The following KDM2B variants were observed in gnomAD, a reference collection of about 807,000 sequenced individuals.
KDM2B encodes the protein lysine-specific demethylase 2B.
A neutral mutation model predicts 150.0 loss-of-function variants in KDM2B; 26 were observed. The observed-to-expected ratio is 0.17, with a 90% confidence interval of 0.13 to 0.24. The LOEUF is 0.24. Among genes scored for constraint, KDM2B ranks in the 10% least tolerant of loss-of-function variants. KDM2B has a pLI of 1.00. For missense variants in KDM2B, 1,265 were observed against 1,816.9 expected (o/e 0.70, Z 5.52); for synonymous variants, 734 against 729.5 (o/e 1.01, Z -0.10).
intron 8 of KDM2B, among the ~76,000 whole-genome samples, chr12:121,522,361 C>A (rs1384982090): frequency 6.6e-6 from 1 of 150,548 alleles, no homozygotes; most frequent in Non-Finnish European, 1.5e-5. Context: ...ATTAAAAATA[C>A]AAAATTAGCC....
intron 13 of KDM2B, among the ~76,000 whole-genome samples, chr12:121,445,635 G>A (rs991895498): frequency 2.6e-5 from 4 of 152,210 alleles, no homozygotes; most frequent in Admixed American, 6.5e-5. Context: ...ATACAGCAAG[G>A]AACAAGACAG....
chr12:121,463,823 C>T (rs1465256304), intron 12 of KDM2B, among the ~76,000 whole-genome samples: 1 of 152,220 alleles, frequency 6.6e-6, no homozygotes, highest in East Asian at 1.9e-4. Context: ...AAGCCATCCA[C>T]CTGCCTCAGC....
chr12:121,480,726 T>C (rs1882017138), intron 12 of KDM2B, among the ~76,000 whole-genome samples: 1 of 151,704 alleles, frequency 6.6e-6, no homozygotes, highest in Admixed American at 6.6e-5. Context: ...GCCAGTATCA[T>C]GCTACTATAG....
At chr12:121,412,655 A>G in the KDM2B span, among the ~76,000 whole-genome samples, 1 of 151,802 alleles carries the variant, frequency 6.6e-6, no homozygotes, top group Admixed American at 6.6e-5. Context: ...ATGAGATTAC[A>G]GATGTGAGCC....
intron 4 of KDM2B, among the ~76,000 whole-genome samples, chr12:121,558,837 C>T (rs1555313236): frequency 2.0e-5 from 3 of 152,108 alleles, no homozygotes; most frequent in Non-Finnish European, 4.4e-5. Flanking sequence ...GTGATTTGCC[C>T]ACCTCAGCCT....
rs1045997029 is a variant in KDM2B at position 121,454,276 on chromosome 12, A to G, written c.1735-932T>C. ...CAGCCTGGCATGCAGAATGCACTCA[A>G]CAAACCAGAGCCACCCCAGGGAGGA... On this transcript the variant is annotated intron_variant, in intron 12 of 22. Coordinates refer to ENST00000377071, the MANE Select transcript of KDM2B (RefSeq NM_032590.5). Among the ~76,000 whole-genome samples, 5 of 152,342 alleles carry G rather than the reference A, an allele frequency of 3.3e-5. No homozygotes were observed. In the East Asian group the frequency reaches 9.6e-4, roughly 29 times the overall value.
At chr12:121,474,313 A>C (rs992764084) in intron 12 of KDM2B, among the ~76,000 whole-genome samples, 2 of 152,048 alleles carry the variant, frequency 1.3e-5, no homozygotes, top group African/African-American at 4.8e-5. Flanking sequence ...GGAGATCAAA[A>C]CCATCCTGGT....
the KDM2B span, chr12:121,423,520 G>C: frequency 1.2e-6 from 2 of 1,614,214 alleles, no homozygotes; most frequent in Non-Finnish European, 1.7e-6. The surrounding 1 kb of genome is among the most constrained non-coding windows in gnomAD (Gnocchi z 4.3). Flanking sequence ...GCGCATGAGT[G>C]AGTGTCCCAT....
rs199884384 is a variant in KDM2B, at chr12:121,442,779, G to A, written c.2662C>T (p.Arg888Cys). 9 of 1,542,244 alleles carry A rather than the reference G, an allele frequency of 5.8e-6. No individual in the cohort carries two copies. The African/African-American group carries it at 9.7e-5, about 17-fold the overall frequency. ...TCGTCCTCGGGTTCCTGCTTGAAGC[G>A]CCGGAGGGGCTTGTTGGCCAGCGCC... ...RMALANKPLRRFKQEPEDELP... is the reference protein window; with the variant it reads ...RMALANKPLRCFKQEPEDELP... Residue 888 changes from arginine (R) to cysteine (C), a missense_variant, in exon 19 of 23, where the codon CGC becomes TGC. Arg to Cys is a radical substitution (Grantham distance 180, BLOSUM62 -3). Around this residue, in one of 11 missense-constraint regions of KDM2B, gnomAD observed 418 missense variants for 402.4 expected, o/e 1.04. Coordinates refer to ENST00000377071, the MANE Select transcript of KDM2B (RefSeq NM_032590.5). The surrounding 1 kb of genome is among the most constrained non-coding windows in gnomAD (Gnocchi z 7.7).
intron 12 of KDM2B, among the ~76,000 whole-genome samples, chr12:121,456,408 G>T (rs1215497966): frequency 1.3e-5 from 2 of 152,106 alleles, no homozygotes; most frequent in Non-Finnish European, 2.9e-5. Context: ...CCCTCCAAAC[G>T]ACAGGTGCCC....
intron 4 of KDM2B, among the ~76,000 whole-genome samples, chr12:121,557,231 ATTTTT>A (rs142679491): frequency 1.8e-4 from 19 of 103,714 alleles, no homozygotes; most frequent in Admixed American, 7.4e-4. Flanking sequence ...AGACAAGAGA[ATTTTT>A]TTTTTTTTTT....
At chr12:121,540,044 C>T (rs1397055590) in intron 6 of KDM2B, among the ~76,000 whole-genome samples, 6 of 152,132 alleles carry the variant, frequency 3.9e-5, no homozygotes, top group African/African-American at 1.4e-4. Context: ...CTCGCCTAAC[C>T]CTACTACCTT....
chr12:121,422,728 C>CT, the KDM2B span, among the ~76,000 whole-genome samples: 6 of 152,086 alleles, frequency 3.9e-5, no homozygotes, highest in African/African-American at 1.4e-4. Flanking sequence ...CTGGGGTTAA[C>CT]TTTTTTTTAA....
intron 4 of KDM2B, among the ~76,000 whole-genome samples, chr12:121,559,638 T>A (rs112833122): frequency 6.6e-6 from 1 of 152,184 alleles, no homozygotes; most frequent in South Asian, 2.1e-4. Context: ...CAGTGGCTCA[T>A]GCCTGTAATC....
intron 6 of KDM2B, among the ~76,000 whole-genome samples, chr12:121,543,914 G>A (rs1261474064): frequency 6.6e-6 from 1 of 151,952 alleles, no homozygotes; most frequent in East Asian, 1.9e-4. Flanking sequence ...TTGAGTCCAG[G>A]AGGTCAAGAC....
rs782452265 is a variant in KDM2B, at chr12:121,442,459, G to C, written c.2982C>G (p.Pro994=). Residue 994 remains proline, a synonymous_variant, in exon 19 of 23, where the codon CCC becomes CCG. Coordinates refer to ENST00000377071, the MANE Select transcript of KDM2B (RefSeq NM_032590.5). The surrounding 1 kb of genome is among the most constrained non-coding windows in gnomAD (Gnocchi z 7.7). The part of the protein sequence containing the change: ...PKRPPGICER[P]HRFSKGLNGT... The stretch of plus-strand genomic sequence containing the variant: ...CGTTGAGCCCCTTGCTGAAGCGGTG[G>C]GGACGCTCGCAGATGCCCGGGGGCC... 3.8e-6 allele frequency: 6 copies of C among 1,599,806 alleles called. No homozygotes were observed. In the East Asian group the frequency reaches 1.1e-4, roughly 30 times the overall value.
Position 121,552,546 on chromosome 12 carries a change from G to A in KDM2B, c.398-2908C>T, listed in dbSNP as rs188783527. 5.5e-4 allele frequency among the ~76,000 whole-genome samples: 84 copies of A among 152,202 alleles called. 2 individuals are homozygous for A. The East Asian group carries it at 0.014, about 26-fold the overall frequency. On this transcript the variant is annotated intron_variant, in intron 4 of 22. Transcript: ENST00000377071. ...AAATTAGCCAAGTATGGTGGCACACGTCTGTAATCCCAGCTACTTGGGAGG... is the reference window on the plus strand; with the variant it reads ...AAATTAGCCAAGTATGGTGGCACACATCTGTAATCCCAGCTACTTGGGAGG...
In KDM2B at chr12:121,442,867, C is replaced by G; in HGVS notation, c.2605-31G>C. On this transcript the variant is annotated intron_variant, in intron 18 of 22. Transcript: ENST00000377071. This position sits in a 1 kb window ranked among gnomAD's most constrained non-coding sequence, Gnocchi z 7.7. ...GGCGAGAGCGGAGACGCGTCAGCCT[C>G]TGGGGCTCAGGGCTGCGCCCGCCCA... The G allele has an allele frequency of 6.6e-7, 1 of 1,524,682 alleles. No homozygotes were observed. Among genetic ancestry groups the G allele is most frequent in the Non-Finnish European group, 8.8e-7 (1 of 1,141,172 alleles). The allele number at this position is 1,524,682 out of a possible 1,614,324, so 94.4% of individuals were successfully genotyped here.
At position 121,517,770 on chromosome 12, in the gene KDM2B, C is replaced by T. The variant is rs143011170; in HGVS notation, c.1047+3215G>A. Among the ~76,000 whole-genome samples the T allele has an allele frequency of 7.9e-3, 1,189 of 151,390 alleles. 11 individuals are homozygous for T. The highest frequency in any genetic ancestry group is 0.028 in the African/African-American group (1,142 of 41,252). Reference sequence around the variant, plus strand: ...ATAGGCGTCAGCCACCGGCGCCTGGCCAGGCAAATTCTTTTTCTAAGACAA... The same window carrying T: ...ATAGGCGTCAGCCACCGGCGCCTGGTCAGGCAAATTCTTTTTCTAAGACAA... On this transcript the variant is annotated intron_variant, in intron 9 of 22. Transcript: ENST00000377071.
Sources: allele counts gnomAD v4.1 joint callset (sites outside exome capture counted in the v4.1 genomes callset), GRCh38; gene constraint gnomAD v4.1.1; regional missense constraint gnomAD v4.1.1; non-coding constraint Gnocchi (gnomAD v3.1); transcripts MANE v1.5; gene names NCBI Gene and HGNC (gene_info 2026-07-23, HGNC 2026-07-21).